The following DCLRE1C variants were observed in gnomAD, a reference collection of about 807,000 sequenced individuals.
DCLRE1C encodes the protein protein artemis.
A neutral mutation model predicts 61.4 loss-of-function variants in DCLRE1C; 47 were observed. The observed-to-expected ratio is 0.77, with a 90% confidence interval of 0.61 to 0.98. The LOEUF (loss-of-function observed/expected upper bound fraction) is 0.98. Ranked by LOEUF, DCLRE1C falls within the 50% of genes least tolerant of loss-of-function variation. The pLI is 0.00. For missense variants in DCLRE1C, 858 were observed against 816.0 expected (o/e 1.05, Z -0.63); for synonymous variants, 337 against 287.6 (o/e 1.17, Z -1.74).
At chr10:14,950,958 G>A (rs1454760539) in intron 1 of DCLRE1C, among the ~76,000 whole-genome samples, 1 of 152,182 alleles carries the variant, frequency 6.6e-6, no homozygotes. Flanking sequence ...AGGGGTCGGG[G>A]GGCCCTCTCA....
At chr10:14,902,609 AC>A, downstream of DCLRE1C, 1 of 739,690 alleles carries the variant, frequency 1.4e-6, no homozygotes, top group Admixed American at 3.5e-5. Context: ...TCAAGGTTCT[AC>A]CTATGTTAAT....
At position 14,910,230 on chromosome 10, in the gene DCLRE1C, A is replaced by C. The variant is rs181344188; in HGVS notation, c.1157-900T>G. On this transcript the variant is annotated intron_variant, in intron 13 of 13. Transcript: ENST00000378278. Reference sequence around the variant, plus strand: ...AAGGGTGTGCCAATACACACGACCCAACCTCATTCTTAAAGGTTCAGTGTT... The same window carrying C: ...AAGGGTGTGCCAATACACACGACCCCACCTCATTCTTAAAGGTTCAGTGTT... Among the ~76,000 whole-genome samples the C allele has an allele frequency of 1.3e-4, 20 of 152,306 alleles. No individual in the cohort carries two copies. In the East Asian group the frequency reaches 3.5e-3, roughly 26 times the overall value.
chr10:14,945,231 T>C, intron 2 of DCLRE1C, 42 bp from the exon 3 acceptor site: 3 of 1,571,168 alleles, frequency 1.9e-6, no homozygotes, highest in Non-Finnish European at 2.6e-6. Context: ...CAATCCAAAA[T>C]GAGCCATCTT....
At chr10:14,913,450 TAAC>T (rs1311977279) in intron 13 of DCLRE1C, among the ~76,000 whole-genome samples, 1 of 152,194 alleles carries the variant, frequency 6.6e-6, no homozygotes, top group Non-Finnish European at 1.5e-5. Flanking sequence ...ATAAAGTTAA[TAAC>T]AGAGAATGTA....
At chr10:14,915,676 C>T (rs1836064539) in intron 13 of DCLRE1C, among the ~76,000 whole-genome samples, 1 of 151,500 alleles carries the variant, frequency 6.6e-6, no homozygotes, top group Non-Finnish European at 1.5e-5. Flanking sequence ...AAACTCCTTT[C>T]CCACCCAGAT....
intron 2 of DCLRE1C, chr10:14,947,476 G>A (rs1450762959): frequency 1.3e-5 from 2 of 152,212 alleles, no homozygotes; most frequent in Non-Finnish European, 2.9e-5. Context: ...GAAGTAATTT[G>A]TTACGCAGCA....
intron 2 of DCLRE1C, among the ~76,000 whole-genome samples, chr10:14,948,738 G>C (rs1290189573): frequency 6.7e-6 from 1 of 149,528 alleles, no homozygotes; most frequent in Non-Finnish European, 1.5e-5. Flanking sequence ...CGTTGTTGTT[G>C]TTGTTGTTTT....
chr10:14,919,865 T>C (rs1369137266), intron 12 of DCLRE1C, 33 bp from the exon 13 acceptor site: 2 of 1,555,482 alleles, frequency 1.3e-6, no homozygotes, highest in Admixed American at 1.7e-5. Context: ...ATTTTTCCTT[T>C]TGAGGAAGTT....
intron 1 of DCLRE1C, among the ~76,000 whole-genome samples, chr10:14,951,641 T>C (rs1219774951): frequency 6.6e-6 from 1 of 152,124 alleles, no homozygotes; most frequent in Admixed American, 6.6e-5. Flanking sequence ...ATTTGGTTTC[T>C]GGAGAGGGCA....
intron 9 of DCLRE1C, among the ~76,000 whole-genome samples, chr10:14,931,158 C>G (rs889514703): frequency 6.6e-6 from 1 of 152,218 alleles, no homozygotes; most frequent in Non-Finnish European, 1.5e-5. Context: ...TTAAAGATCA[C>G]TAATTAGCCT....
intron 13 of DCLRE1C, among the ~76,000 whole-genome samples, chr10:14,918,399 A>T (rs1371188849): frequency 2.0e-5 from 3 of 152,224 alleles, no homozygotes; most frequent in Admixed American, 6.5e-5. Flanking sequence ...TATTTATATG[A>T]AATTCTAGAA....
chr10:14,945,031 A>T (rs1841463710), intron 3 of DCLRE1C, 74 bp downstream of exon 3: 1 of 1,178,046 alleles, frequency 8.5e-7, no homozygotes, highest in South Asian at 1.3e-5. Context: ...AACTGAGGCA[A>T]AGTTTTTGTC....
At chr10:14,947,762 C>CA (rs1288423505) in intron 2 of DCLRE1C, among the ~76,000 whole-genome samples, 2 of 151,902 alleles carry the variant, frequency 1.3e-5, no homozygotes, top group Non-Finnish European at 1.5e-5. Context: ...CACAGGTGAC[C>CA]AAAAAAAATT....
intron 2 of DCLRE1C, chr10:14,947,676 G>C (rs776532730): frequency 6.6e-6 from 1 of 152,210 alleles, no homozygotes; most frequent in Non-Finnish European, 1.5e-5. Context: ...GACAATGTCA[G>C]GTACAAGTGT....
Position 14,908,932 on chromosome 10 carries a change from G to T in DCLRE1C, c.1555C>A (p.Pro519Thr). The change falls in exon 14 of 14, where the codon CCA (proline) becomes ACA (threonine). Residue 519 changes from proline to threonine, a missense_variant. Pro to Thr is a conservative substitution (Grantham distance 38). This residue lies in a region of DCLRE1C where 843 missense variants were observed against 783.5 expected (regional missense o/e 1.08). Coordinates refer to ENST00000378278, the MANE Select transcript of DCLRE1C (RefSeq NM_001033855.3). ...CCATCAGAGTCACTGAAAAGCTTTG[G>T]TGACTGAGATCCCCCTGCCACTGTG... ...SSTVAGGSQSPKLFSDSDGES... is the reference protein window; with the variant it reads ...SSTVAGGSQSTKLFSDSDGES... The T allele has an allele frequency of 6.2e-7, 1 of 1,614,150 alleles. No homozygotes were observed. The highest frequency in any genetic ancestry group is 8.5e-7 in the Non-Finnish European group (1 of 1,180,024).
At chr10:14,932,807 T>C in intron 9 of DCLRE1C, 47 bp downstream of exon 9, 1 of 1,606,988 alleles carries the variant, frequency 6.2e-7, no homozygotes, top group Non-Finnish European at 8.5e-7. Flanking sequence ...TTTCTTCTTT[T>C]TCATAGATTA....
At chr10:14,920,643 A>T (rs1247227983) in intron 12 of DCLRE1C, among the ~76,000 whole-genome samples, 1 of 152,168 alleles carries the variant, frequency 6.6e-6, no homozygotes, top group African/African-American at 2.4e-5. Flanking sequence ...TTTCAAAGTA[A>T]GGTTGTCTTC....
At chr10:14,951,175 T>G (rs1381892531) in intron 1 of DCLRE1C, among the ~76,000 whole-genome samples, 1 of 152,048 alleles carries the variant, frequency 6.6e-6, no homozygotes, top group African/African-American at 2.4e-5. Context: ...ACCCAGGAGT[T>G]CGATACCAGC....
chr10:14,944,673 CTTTTTTTTTTTTT>C (rs1165126470), intron 3 of DCLRE1C, among the ~76,000 whole-genome samples: 1 of 117,726 alleles, frequency 8.5e-6, no homozygotes, highest in African/African-American at 3.2e-5. Context: ...TTTTTTTTTT[CTTTTTTTTTTTTT>C]TTTTTTTAGA....
Sources: gnomAD v4.1 joint callset for allele counts (sites outside exome capture counted in the v4.1 genomes callset) on GRCh38, gnomAD v4.1.1 for gene constraint, gnomAD v4.1.1 regional missense constraint, MANE v1.5 for transcripts, NCBI Gene and HGNC (gene_info 2026-07-23, HGNC 2026-07-21) for gene names.